The following MALT1 variants were observed in gnomAD, a reference collection of about 807,000 sequenced individuals.
MALT1 encodes the protein mucosa-associated lymphoid tissue lymphoma translocation protein 1.
MALT1 carries 36 observed loss-of-function variants against 85.5 expected under a neutral mutation model. The observed-to-expected ratio is 0.42, with a 90% CI of 0.32 to 0.56. The LOEUF is 0.56. Ranked by LOEUF, MALT1 falls within the 20% of genes least tolerant of loss-of-function variation. MALT1 has a pLI of 0.10. For synonymous variants in MALT1, 359 were observed against 361.3 expected, an observed-to-expected ratio of 0.99 and a Z score of 0.07; for missense variants, 716 against 981.6, an observed-to-expected ratio of 0.73 and a Z score of 3.62.
chr18:58,681,446 T>G (rs2054321123), intron 2 of MALT1, 110 bp downstream of exon 2: 9 of 958,810 alleles, frequency 9.4e-6, no homozygotes, highest in Non-Finnish European at 1.3e-5. Flanking sequence ...AAAATGTAAA[T>G]GTGTAGTGCC....
At chr18:58,747,328 T>A (rs2055382238) in intron 16 of MALT1, 77 bp from the exon 17 acceptor site, 2 of 899,768 alleles carry the variant, frequency 2.2e-6, no homozygotes, top group Admixed American at 4.3e-5. Context: ...GGTGGGGGTG[T>A]GTATGTGTGA....
At position 58,700,591 on chromosome 18, in the gene MALT1, A is replaced by G. The variant is rs74847855; in HGVS notation, c.649A>G (p.Arg217Gly). Residue 217 changes from arginine (R) to glycine (G), a missense_variant and splice_region_variant, in exon 4 of 17, where the codon AGA becomes GGA. Around this residue, in one of 4 missense-constraint regions of MALT1, gnomAD observed 290 missense variants for 380.5 expected, o/e 0.76. Coordinates refer to ENST00000649217, the MANE Select transcript of MALT1 (RefSeq NM_006785.4). ...DVCDIPESFQ[R>G]SVDGVSESKL... ...TTGCGACATCCCAGAGAGCTTCCAG[A>G]GTAAGTAACGAAAGAAGCTGAATGT... 58,540 of 1,587,716 alleles carry G rather than the reference A, an allele frequency of 0.037. 1,300 individuals carry two copies. The highest frequency in any genetic ancestry group is 0.064 in the South Asian group (5,440 of 85,196).
intron 5 of MALT1, among the ~76,000 whole-genome samples, 197 bp downstream of exon 5, chr18:58,709,753 A>G (rs1216717740): frequency 2.0e-5 from 3 of 152,212 alleles, no homozygotes; most frequent in Non-Finnish European, 2.9e-5. Flanking sequence ...ACTCAGGCTT[A>G]TATGTAAAAT....
chr18:58,714,434 A>C (rs1339639355), intron 8 of MALT1, among the ~76,000 whole-genome samples: 2 of 152,230 alleles, frequency 1.3e-5, no homozygotes, highest in African/African-American at 4.8e-5. Flanking sequence ...ATCTGAAAGC[A>C]GGAAGCAGTG....
At chr18:58,705,905 CT>C (rs2054745125) in intron 4 of MALT1, among the ~76,000 whole-genome samples, 1 of 152,126 alleles carries the variant, frequency 6.6e-6, no homozygotes, top group Non-Finnish European at 1.5e-5. Context: ...GCCACACTGA[CT>C]TCCACAATGG....
rs1444120199 is a variant in MALT1 at position 58,723,188 on chromosome 18, A to G, written c.1159A>G (p.Thr387Ala). The change falls in exon 10 of 17, where the codon ACT (threonine) becomes GCT (alanine). Residue 387 changes from threonine (T) to alanine (A), a missense_variant. Coordinates refer to ENST00000649217, the MANE Select transcript of MALT1 (RefSeq NM_006785.4). ...DFKVVSLLDL[T>A]EYEMRNAVDE... Reference sequence around the variant, plus strand: ...CAAAGTGGTTTCACTGTTGGATCTTACTGAATATGAGATGCGTAATGCTGT... The same window carrying G: ...CAAAGTGGTTTCACTGTTGGATCTTGCTGAATATGAGATGCGTAATGCTGT... The G allele has an allele frequency of 6.2e-7, 1 of 1,613,956 alleles. No homozygotes were observed. The highest frequency in any genetic ancestry group is 8.5e-7 in the Non-Finnish European group (1 of 1,179,964).
chr18:58,703,879 T>C (rs937297574), intron 4 of MALT1, among the ~76,000 whole-genome samples: 3 of 152,242 alleles, frequency 2.0e-5, no homozygotes, highest in African/African-American at 4.8e-5. Context: ...TTTTAACATA[T>C]ATATAACATG....
intron 7 of MALT1, among the ~76,000 whole-genome samples, chr18:58,712,574 A>C (rs909152814): frequency 6.6e-6 from 1 of 152,144 alleles, no homozygotes; most frequent in African/African-American, 2.4e-5. Context: ...GTTGGTTGAT[A>C]AGTACAGACC....
chr18:58,678,414 T>G (rs2054272183), intron 1 of MALT1, among the ~76,000 whole-genome samples: 1 of 152,220 alleles, frequency 6.6e-6, no homozygotes, highest in African/African-American at 2.4e-5. Context: ...ATAATTAATA[T>G]GGACAAGACA....
intron 10 of MALT1, among the ~76,000 whole-genome samples, chr18:58,727,028 T>C (rs1249353328): frequency 6.6e-6 from 1 of 152,220 alleles, no homozygotes; most frequent in Non-Finnish European, 1.5e-5. Context: ...ACAAAATGGA[T>C]AGAACTAAAT....
intron 8 of MALT1, among the ~76,000 whole-genome samples, chr18:58,714,567 G>A (rs1038378027): frequency 6.6e-6 from 1 of 152,150 alleles, no homozygotes; most frequent in African/African-American, 2.4e-5. Context: ...GGAGTAAGAA[G>A]TGTGTTTGTG....
chr18:58,710,147 C>A, intron 6 of MALT1, 75 bp downstream of exon 6: 1 of 833,194 alleles, frequency 1.2e-6, no homozygotes, highest in Non-Finnish European at 2.0e-6. Flanking sequence ...TTTAATTAAG[C>A]AAAGGAAATT....
At chr18:58,709,220 G>A (rs1026531627) in intron 4 of MALT1, among the ~76,000 whole-genome samples, 158 bp from the exon 5 acceptor site, 1 of 152,154 alleles carries the variant, frequency 6.6e-6, no homozygotes, top group East Asian at 1.9e-4. Flanking sequence ...AGAATATCTC[G>A]TAATATTTCT....
At chr18:58,743,282 A>AGG (rs1487079033) in intron 14 of MALT1, among the ~76,000 whole-genome samples, 2 of 152,194 alleles carry the variant, frequency 1.3e-5, no homozygotes, top group Non-Finnish European at 2.9e-5. Context: ...AGGCTGAGCC[A>AGG]GGAGAATCAC....
At chr18:58,739,742 G>A (rs930688562) in intron 13 of MALT1, among the ~76,000 whole-genome samples, 15 of 151,990 alleles carry the variant, frequency 9.9e-5, no homozygotes, top group East Asian at 1.9e-4. Flanking sequence ...GACTTGCACC[G>A]CCACAATTCA....
intron 16 of MALT1, among the ~76,000 whole-genome samples, chr18:58,746,398 ATTT>A (rs1057023805): frequency 1.3e-5 from 2 of 152,004 alleles, no homozygotes; most frequent in Non-Finnish European, 2.9e-5. Context: ...GCAAATTAGA[ATTT>A]TTTTTCCATT....
rs1273900310 is a variant in MALT1 at position 58,684,792 on chromosome 18, C to T, written c.376+3456C>T. On this transcript the variant is annotated intron_variant, in intron 2 of 16. Coordinates refer to ENST00000649217, the MANE Select transcript of MALT1 (RefSeq NM_006785.4). The stretch of plus-strand genomic sequence containing the variant: ...GTAGAATAAAGAAATATAAGAATTA[C>T]AGAGAAGAATTTTAATATTTTAATA... 5.3e-5 allele frequency among the ~76,000 whole-genome samples: 8 copies of T among 152,058 alleles called. No individual in the cohort carries two copies. The South Asian group carries it at 1.7e-3, about 32-fold the overall frequency.
At chr18:58,743,821 T>C (rs1235925651) in intron 14 of MALT1, among the ~76,000 whole-genome samples, 1 of 152,232 alleles carries the variant, frequency 6.6e-6, no homozygotes, top group African/African-American at 2.4e-5. Context: ...GGACATGTTA[T>C]GCTGAAACTT....
chr18:58,694,324 C>G (rs2054556690), intron 2 of MALT1, among the ~76,000 whole-genome samples: 1 of 152,120 alleles, frequency 6.6e-6, no homozygotes, highest in African/African-American at 2.4e-5. Flanking sequence ...CTTTCATGAA[C>G]ATTATTTTTT....
Sources: allele counts gnomAD v4.1 joint callset (sites outside exome capture counted in the v4.1 genomes callset), GRCh38; gene constraint gnomAD v4.1.1; regional missense constraint gnomAD v4.1.1; transcripts MANE v1.5; gene names NCBI Gene and HGNC (gene_info 2026-07-23, HGNC 2026-07-21).